PRICKLE4: variants seen among roughly 807,000 people sequenced by gnomAD.
PRICKLE4 encodes the protein prickle-like protein 4.
In PRICKLE4, 40 loss-of-function variants were observed where a neutral mutation model predicts 43.5. The observed-to-expected ratio is 0.92, with a 90% CI of 0.71 to 1.20. The LOEUF (loss-of-function observed/expected upper bound fraction) is 1.20, where lower values mean the gene tolerates loss of function less well. PRICKLE4 is among the 50% of genes most tolerant of loss of function. PRICKLE4 has a pLI of 0.00. For synonymous variants in PRICKLE4, 208 were observed against 197.4 expected (o/e 1.05, Z -0.45); for missense variants, 527 against 491.2 (o/e 1.07, Z -0.69).
chr6:41,781,444 A>G lies in PRICKLE4; in HGVS notation c.-89A>G, dbSNP rs1279178659. On this transcript the variant is annotated 5_prime_UTR_variant, in exon 2 of 8. Coordinates refer to ENST00000458694, the MANE Select transcript of PRICKLE4 (RefSeq NM_013397.6). ...AGCAGGGGCAGTGCTGTTAGTGGCT[A>G]CTCCTGGTGTGAACAGCCCATCCTG... The G allele has an allele frequency of 1.3e-5, 2 of 152,460 alleles. No individual in the cohort carries two copies. Among genetic ancestry groups the G allele is most frequent in the African/African-American group, 2.4e-5 (1 of 41,324 alleles). 9.4% of individuals were successfully genotyped at this position (152,460 alleles called of 1,614,324 possible).
intron 5 of PRICKLE4, 115 bp from the exon 6 acceptor site, chr6:41,785,222 G>C: frequency 6.7e-7 from 1 of 1,501,450 alleles, no homozygotes; most frequent in East Asian, 2.3e-5. Context: ...GGTTGCAGTG[G>C]ATGTGGGCTT....
Position 41,787,243 on chromosome 6 carries a change from G to T in PRICKLE4, c.*114G>T. 7.1e-7 allele frequency: 1 copy of T among 1,407,924 alleles called. No homozygotes were observed. Among genetic ancestry groups the T allele is most frequent in the South Asian group, 1.5e-5 (1 of 67,480 alleles). 87.2% of individuals were successfully genotyped at this position (1,407,924 alleles called of 1,614,324 possible). ...CTGAGACGCAGTCAGGCGCACGCCCGCAAGAGGCGGCGAGGTGACAAGTTT... is the reference window on the plus strand; with the variant it reads ...CTGAGACGCAGTCAGGCGCACGCCCTCAAGAGGCGGCGAGGTGACAAGTTT... On this transcript the variant is annotated 3_prime_UTR_variant, in exon 8 of 8. Coordinates refer to ENST00000458694, the MANE Select transcript of PRICKLE4 (RefSeq NM_013397.6).
rs977635179 is a variant in PRICKLE4 at position 41,783,554 on chromosome 6, C to T, written c.81C>T (p.Asp27=). 5.0e-6 allele frequency: 8 copies of T among 1,613,578 alleles called. No homozygotes were observed. Among genetic ancestry groups the T allele is most frequent in the Admixed American group, 1.7e-5 (1 of 59,954 alleles). ...PQDPGPPANS[D]SDSGHLPGED... ...ATCCAGGTCCACCAGCCAACTCAGA[C>T]AGTGACTCAGGCCACCTGCCGGGGG... Residue 27 remains aspartate (D), a synonymous_variant, in exon 3 of 8, where the codon GAC becomes GAT. Coordinates refer to ENST00000458694, the MANE Select transcript of PRICKLE4 (RefSeq NM_013397.6).
At position 41,787,276 on chromosome 6, in the gene PRICKLE4, GC is replaced by G. The variant is rs1772681674; in HGVS notation, c.*152del. 12 of 1,167,582 alleles carry G rather than the reference GC, an allele frequency of 1.0e-5. No individual in the cohort carries two copies. Among genetic ancestry groups the G allele is most frequent in the Admixed American group, 2.9e-5 (1 of 34,526 alleles). 72.3% of individuals were successfully genotyped at this position (1,167,582 alleles called of 1,614,324 possible). On this transcript the variant is annotated 3_prime_UTR_variant, in exon 8 of 8. Transcript: ENST00000458694. Reference sequence around the variant, plus strand: ...CGGCGAGGTGACAAGTTTGGAGTGCGCCCCCTTCAGTACTGCGCGTTCTAAG... The same window carrying G: ...CGGCGAGGTGACAAGTTTGGAGTGCGCCCCTTCAGTACTGCGCGTTCTAAG...
intron 7 of PRICKLE4, 57 bp from the exon 8 acceptor site, chr6:41,786,705 G>A: frequency 6.2e-7 from 1 of 1,609,834 alleles, no homozygotes. Context: ...CACTAGCTGC[G>A]GTGTAGGTCC....
At chr6:41,784,380 C>G in intron 4 of PRICKLE4, 142 bp downstream of exon 4, 1 of 658,958 alleles carries the variant, frequency 1.5e-6, no homozygotes, top group Middle Eastern at 2.5e-4. Flanking sequence ...TCATTCTCCC[C>G]CTGCCTGAGT....
chr6:41,786,570 C>T (rs1459273728), intron 7 of PRICKLE4, 192 bp from the exon 8 acceptor site: 1 of 1,102,150 alleles, frequency 9.1e-7, no homozygotes, highest in African/African-American at 1.6e-5. Flanking sequence ...GCGCCAGACT[C>T]CCTCCCAGGC....
At chr6:41,783,325 G>A in intron 2 of PRICKLE4, 137 bp from the exon 3 acceptor site, 1 of 898,506 alleles carries the variant, frequency 1.1e-6, no homozygotes, top group Non-Finnish European at 1.6e-6. Flanking sequence ...TGGGCCATCT[G>A]TAAGATGGGG....
Position 41,785,548 on chromosome 6 carries a change from C to G in PRICKLE4, c.582+8C>G, listed in dbSNP as rs1404464703. On this transcript the variant is annotated splice_region_variant and intron_variant, in intron 6 of 7. Transcript: ENST00000458694. Reference sequence around the variant, plus strand: ...TGCCCGGCTTGTGACCAGGTACAGCCTGGAGGGGAGGAACTGGGGGTCTGC... The same window carrying G: ...TGCCCGGCTTGTGACCAGGTACAGCGTGGAGGGGAGGAACTGGGGGTCTGC... The G allele has an allele frequency of 1.2e-6, 2 of 1,610,982 alleles. No individual in the cohort carries two copies. Among genetic ancestry groups the G allele is most frequent in the Admixed American group, 1.7e-5 (1 of 59,974 alleles).
intron 7 of PRICKLE4, 176 bp downstream of exon 7, chr6:41,786,508 G>A (rs1352552812): frequency 2.9e-5 from 30 of 1,042,934 alleles, no homozygotes; most frequent in Non-Finnish European, 4.1e-5. Flanking sequence ...ATCCCTGGCC[G>A]GAGCGTTCCA....
At position 41,785,515 on chromosome 6, in the gene PRICKLE4, G is replaced by A. The variant is rs770636215; in HGVS notation, c.557G>A (p.Arg186His). 9.3e-6 allele frequency: 15 copies of A among 1,613,210 alleles called. No homozygotes were observed. Among genetic ancestry groups the A allele is most frequent in the Admixed American group, 3.3e-5 (2 of 60,000 alleles). The change falls in exon 6 of 8, where the codon CGC (arginine) becomes CAC (histidine). Residue 186 changes from arginine (R) to histidine (H), a missense_variant. Transcript: ENST00000458694. ...YCGRHHAELL[R>H]PRCPACDQLI... ...GGCCGTCATCATGCAGAGTTGCTGC[G>A]CCCGCGCTGCCCGGCTTGTGACCAG...
In PRICKLE4 at chr6:41,787,233, G is replaced by C. The variant is rs1772680601; in HGVS notation, c.*104G>C. On this transcript the variant is annotated 3_prime_UTR_variant, in exon 8 of 8. Transcript: ENST00000458694. Reference sequence around the variant, plus strand: ...CAATCCTAGACTGAGACGCAGTCAGGCGCACGCCCGCAAGAGGCGGCGAGG... The same window carrying C: ...CAATCCTAGACTGAGACGCAGTCAGCCGCACGCCCGCAAGAGGCGGCGAGG... 6.9e-7 allele frequency: 1 copy of C among 1,438,992 alleles called. No individual in the cohort carries two copies. Among genetic ancestry groups the C allele is most frequent in the Non-Finnish European group, 9.1e-7 (1 of 1,095,840 alleles). The allele number at this position is 1,438,992 out of a possible 1,614,324, so 89.1% of individuals were successfully genotyped here.
In PRICKLE4 at chr6:41,783,003, C is replaced by T. The variant is rs181297364; in HGVS notation, c.-12-459C>T. Among the ~76,000 whole-genome samples, 33 of 152,176 alleles carry T rather than the reference C, an allele frequency of 2.2e-4. No individual in the cohort carries two copies. The East Asian group carries it at 3.1e-3, about 14-fold the overall frequency. Reference sequence around the variant, plus strand: ...GGATCCTTTAACCAGAGGCCCAAGCCTATATAGCTGGAAAACCTGGGCCCA... The same window carrying T: ...GGATCCTTTAACCAGAGGCCCAAGCTTATATAGCTGGAAAACCTGGGCCCA... On this transcript the variant is annotated intron_variant, in intron 2 of 7. Transcript: ENST00000458694.
chr6:41,783,644 C>G (rs766014914), intron 3 of PRICKLE4, 39 bp downstream of exon 3: 1 of 1,613,862 alleles, frequency 6.2e-7, no homozygotes, highest in East Asian at 2.2e-5. Flanking sequence ...CCAACATGTC[C>G]TCTATCCTGT....
At position 41,787,103 on chromosome 6, in the gene PRICKLE4, T is replaced by A; in HGVS notation, c.1129T>A (p.Ser377Thr). 6.2e-7 allele frequency: 1 copy of A among 1,609,438 alleles called. No homozygotes were observed. The change falls in exon 8 of 8, where the codon TCT becomes ACT. Residue 377 changes from serine (S) to threonine (T), a missense_variant. Coordinates refer to ENST00000458694, the MANE Select transcript of PRICKLE4 (RefSeq NM_013397.6). ...GSLQAEDSNA[S>T]KTHCTMC ...CCTCCAAGCAGAGGACAGCAACGCC[T>A]CTAAGACGCACTGCACCATGTGCTA...
At position 41,786,262 on chromosome 6, in the gene PRICKLE4, C is replaced by G; in HGVS notation, c.717C>G (p.Ser239Arg). The change falls in exon 7 of 8, where the codon AGC (serine) becomes AGG (arginine). Residue 239 changes from serine (S) to arginine (R), a missense_variant. Physicochemically the swap from Ser to Arg is moderately radical, Grantham distance 110. Transcript: ENST00000458694. ...CTGGGGGAAGCCCCTGCTGCCCCAG[C>G]TGCTTCGAGAACCGCTACTCGGATG... is the stretch of plus-strand genomic sequence containing the variant. ...ALPGGSPCCP[S>R]CFENRYSDAG... 6.2e-7 allele frequency: 1 copy of G among 1,600,144 alleles called. No individual in the cohort carries two copies. Among genetic ancestry groups the G allele is most frequent in the Non-Finnish European group, 8.5e-7 (1 of 1,169,978 alleles).
At position 41,786,871 on chromosome 6, in the gene PRICKLE4, G is replaced by T; in HGVS notation, c.897G>T (p.Gln299His). 2 of 1,606,182 alleles carry T rather than the reference G, an allele frequency of 1.2e-6. No individual in the cohort carries two copies. The highest frequency in any genetic ancestry group is 3.4e-5 in the Admixed American group (2 of 59,556). The change falls in exon 8 of 8, where the codon CAG becomes CAT. Residue 299 changes from glutamine (Q) to histidine (H), a missense_variant. Gln to His is a conservative substitution (Grantham distance 24). Coordinates refer to ENST00000458694, the MANE Select transcript of PRICKLE4 (RefSeq NM_013397.6). ...AAAGGSSLQT[Q>H]RGLPGSSPQQ... is the part of the protein sequence containing the mutation. ...CCGGCGGTTCCAGCCTGCAAACTCA[G>T]AGGGGGCTGCCTGGATCCAGTCCCC...
intron 7 of PRICKLE4, 186 bp downstream of exon 7, chr6:41,786,518 A>C: frequency 9.7e-7 from 1 of 1,028,856 alleles, no homozygotes; most frequent in South Asian, 1.4e-5. Flanking sequence ...GGAGCGTTCC[A>C]AGGGCCGCCC....
intron 4 of PRICKLE4, 61 bp from the exon 5 acceptor site, chr6:41,784,874 A>G: frequency 6.2e-7 from 1 of 1,601,576 alleles, no homozygotes; most frequent in Non-Finnish European, 8.5e-7. Flanking sequence ...TTTTCCTCCA[A>G]CCAATGCTCA....
Sources: gnomAD v4.1 joint callset for allele counts (sites outside exome capture counted in the v4.1 genomes callset) on GRCh38, gnomAD v4.1.1 for gene constraint, MANE v1.5 for transcripts, NCBI Gene and HGNC (gene_info 2026-07-23, HGNC 2026-07-21) for gene names.